Variants in INPP4B observed in about 807,000 individuals in gnomAD.
INPP4B encodes the protein inositol polyphosphate-4-phosphatase type II B.
A neutral mutation model predicts 122.5 loss-of-function variants in INPP4B; 55 were observed. The observed-to-expected ratio is 0.45, with a 90% CI of 0.36 to 0.56. The LOEUF is 0.56. INPP4B is among the 20% of genes least tolerant of loss of function. INPP4B has a pLI of 0.00. For synonymous variants in INPP4B, 403 were observed against 388.7 expected (o/e 1.04, Z -0.43); for missense variants, 1,000 against 1,097.7 (o/e 0.91, Z 1.26).
intron 22 of INPP4B, among the ~76,000 whole-genome samples, chr4:142,108,926 TG>T (rs762349394): frequency 2.6e-5 from 4 of 152,168 alleles, no homozygotes; most frequent in Non-Finnish European, 5.9e-5. Flanking sequence ...TATTTCTAGG[TG>T]TGAATAGAAA....
chr4:142,208,409 G>A lies in INPP4B; in HGVS notation c.1072+16C>T. On this transcript the variant is annotated intron_variant, in intron 14 of 25. Coordinates refer to ENST00000262992, the MANE Select transcript of INPP4B (RefSeq NM_001101669.3). ...GTAACATAATTTGCTATTTTTAAAAGAATAATTTATGATACCTTTCAAGTG... is the reference window on the plus strand; with the variant it reads ...GTAACATAATTTGCTATTTTTAAAAAAATAATTTATGATACCTTTCAAGTG... 7.2e-7 allele frequency: 1 copy of A among 1,397,466 alleles called. No individual in the cohort carries two copies. The highest frequency in any genetic ancestry group is 9.9e-7 in the Non-Finnish European group (1 of 1,005,364). The allele number at this position is 1,397,466 out of a possible 1,614,324, so 86.6% of individuals were successfully genotyped here. A position where few individuals can be genotyped will look rare whatever the true frequency, so the allele number is the denominator to read the frequency against.
Position 142,222,829 on chromosome 4 carries a change from C to T in INPP4B, c.837-13803G>A, listed in dbSNP as rs1849921254. ...TGTGCTAGGTTTCTAAGCCAGAGGA[C>T]ACTAAAATAAATCACAGACTCAAGA... On this transcript the variant is annotated intron_variant, in intron 12 of 25. Transcript: ENST00000262992. Among the ~76,000 whole-genome samples the T allele has an allele frequency of 3.9e-5, 6 of 152,104 alleles. No individual in the cohort carries two copies. In the South Asian group the frequency reaches 1.2e-3, roughly 32 times the overall value.
intron 14 of INPP4B, 41 bp downstream of exon 14, chr4:142,208,384 G>A (rs372252787): frequency 2.1e-5 from 22 of 1,063,816 alleles, no homozygotes; most frequent in South Asian, 1.0e-4. Flanking sequence ...AGTACACACT[G>A]TAACATAATT....
At chr4:142,537,739 G>A (rs1400181638) in intron 2 of INPP4B, among the ~76,000 whole-genome samples, 2 of 63,648 alleles carry the variant, frequency 3.1e-5, no homozygotes. Context: ...ATGTGTATAT[G>A]AGTGTGTGTG....
At chr4:142,140,877 T>A (rs66532978) in intron 18 of INPP4B, among the ~76,000 whole-genome samples, 10 of 152,186 alleles carry the variant, frequency 6.6e-5, no homozygotes, top group African/African-American at 2.4e-4. Context: ...CCAGCTTAGA[T>A]ATCATTATAT....
Position 142,183,941 on chromosome 4 carries a change from C to A in INPP4B, c.1181+9146G>T, listed in dbSNP as rs748595303. Among the ~76,000 whole-genome samples the A allele has an allele frequency of 2.6e-5, 4 of 151,946 alleles. No individual in the cohort carries two copies. In the South Asian group the frequency reaches 8.3e-4, roughly 32 times the overall value. On this transcript the variant is annotated intron_variant, in intron 15 of 25. Coordinates refer to ENST00000262992, the MANE Select transcript of INPP4B (RefSeq NM_001101669.3). ...TTTCTGATATATCTCTAGGTGTACA[C>A]ATGTAGCCACAGCTATAGTGAAGAC...
intron 2 of INPP4B, among the ~76,000 whole-genome samples, chr4:142,706,425 C>T (rs563053194): frequency 2.4e-4 from 37 of 152,268 alleles, no homozygotes; most frequent in Non-Finnish European, 3.7e-4. Context: ...TCAATAAGTT[C>T]GGTTGCTTAA....
At chr4:142,068,506 T>G (rs1302693790) in intron 25 of INPP4B, among the ~76,000 whole-genome samples, 3 of 152,260 alleles carry the variant, frequency 2.0e-5, no homozygotes, top group East Asian at 3.9e-4. Context: ...GTAAATGGGC[T>G]AAATGCTCCA....
chr4:142,551,660 CTG>C (rs900827783), intron 2 of INPP4B, among the ~76,000 whole-genome samples: 2 of 152,102 alleles, frequency 1.3e-5, no homozygotes, highest in Non-Finnish European at 2.9e-5. Context: ...GAGTTCTGTT[CTG>C]TGTTATCACG....
intron 2 of INPP4B, among the ~76,000 whole-genome samples, chr4:142,636,276 A>G (rs926519227): frequency 6.6e-6 from 1 of 152,158 alleles, no homozygotes; most frequent in Non-Finnish European, 1.5e-5. Flanking sequence ...ATTTCTTTAT[A>G]GCAACATGAG....
intron 1 of INPP4B, among the ~76,000 whole-genome samples, chr4:142,758,052 T>C (rs1770756971): frequency 6.6e-6 from 1 of 152,190 alleles, no homozygotes; most frequent in African/African-American, 2.4e-5. Context: ...CAAGATTTGT[T>C]GTACTTAGCT....
intron 14 of INPP4B, among the ~76,000 whole-genome samples, chr4:142,193,495 T>C (rs1286550130): frequency 6.6e-6 from 1 of 152,178 alleles, no homozygotes; most frequent in Non-Finnish European, 1.5e-5. Flanking sequence ...TGAGATAACA[T>C]GTTAATTGCT....
intron 23 of INPP4B, among the ~76,000 whole-genome samples, chr4:142,095,383 TTTG>T (rs1378494492): frequency 3.9e-5 from 6 of 152,176 alleles, no homozygotes; most frequent in Admixed American, 3.9e-4. Flanking sequence ...GAAATAAGAA[TTTG>T]TTAATTGTCT....
rs149686463 is a variant in INPP4B, at chr4:142,109,454, C to T, written c.2277-1264G>A. ...AATGCTTCTCTCCTCCCTGAAAGGA[C>T]GATGTCTTATAGTCTCCCTAGTTTA... On this transcript the variant is annotated intron_variant, in intron 22 of 25. Transcript: ENST00000262992. Among the ~76,000 whole-genome samples, 10 of 152,246 alleles carry T rather than the reference C, an allele frequency of 6.6e-5. No homozygotes were observed. The East Asian group carries it at 7.7e-4, about 12-fold the overall frequency.
At chr4:142,200,515 A>C (rs1195662234) in intron 14 of INPP4B, among the ~76,000 whole-genome samples, 1 of 152,064 alleles carries the variant, frequency 6.6e-6, no homozygotes, top group Non-Finnish European at 1.5e-5. Context: ...AATTATGTAT[A>C]CATACTTCCA....
chr4:142,303,876 A>C (rs1052043762), intron 9 of INPP4B, among the ~76,000 whole-genome samples: 11 of 152,120 alleles, frequency 7.2e-5, no homozygotes, highest in Non-Finnish European at 1.6e-4. Context: ...AATACCCTAA[A>C]CTTGACCCTT....
intron 7 of INPP4B, among the ~76,000 whole-genome samples, chr4:142,397,157 G>A (rs1799617519): frequency 6.6e-6 from 1 of 152,136 alleles, no homozygotes; most frequent in African/African-American, 2.4e-5. Context: ...ATTATAAAGG[G>A]TAGCAACATT....
chr4:142,061,182 A>G (rs1760449475), intron 25 of INPP4B, among the ~76,000 whole-genome samples: 1 of 152,226 alleles, frequency 6.6e-6, no homozygotes, highest in Admixed American at 6.5e-5. Context: ...TAAGTTTTAT[A>G]AATCATATAG....
In INPP4B at chr4:142,576,851, C is replaced by T. The variant is rs1448705705; in HGVS notation, c.-190-114125G>A. On this transcript the variant is annotated intron_variant, in intron 2 of 25. Coordinates refer to ENST00000262992, the MANE Select transcript of INPP4B (RefSeq NM_001101669.3). The stretch of plus-strand genomic sequence containing the variant: ...TATCCACAGAATGTGCTATATTTTC[C>T]ACGGTAAGGTTTATGCTATTTGTAA... Among the ~76,000 whole-genome samples, 3 of 151,984 alleles carry T rather than the reference C, an allele frequency of 2.0e-5. No homozygotes were observed. In the East Asian group the frequency reaches 5.8e-4, roughly 29 times the overall value.
Sources: gnomAD v4.1 joint callset for allele counts (sites outside exome capture counted in the v4.1 genomes callset) on GRCh38, gnomAD v4.1.1 for gene constraint, MANE v1.5 for transcripts, NCBI Gene and HGNC (gene_info 2026-07-23, HGNC 2026-07-21) for gene names.